CLTCL1: variants seen among roughly 807,000 people sequenced by gnomAD.
The protein encoded by CLTCL1 is clathrin heavy chain 2.
CLTCL1 carries 159 observed loss-of-function variants against 190.0 expected under a neutral mutation model. That is an observed-to-expected ratio of 0.84 (90% CI 0.74 to 0.95). CLTCL1 has a LOEUF of 0.95. CLTCL1 is among the 40% of genes least tolerant of loss of function. The probability of loss-of-function intolerance (pLI) is 0.00; values close to 1 mark genes in which losing one functional copy is unlikely to be tolerated. For missense variants in CLTCL1, 1,878 were observed against 2,033.4 expected (o/e 0.92, Z 1.47); for synonymous variants, 752 against 769.6 (o/e 0.98, Z 0.38).
At chr22:19,264,945 T>C (rs1458820491) in intron 2 of CLTCL1, among the ~76,000 whole-genome samples, 1 of 152,220 alleles carries the variant, frequency 6.6e-6, no homozygotes, top group East Asian at 1.9e-4. Context: ...TACACCAACA[T>C]GCCCAGCAAA....
At position 19,275,739 on chromosome 22, in the gene CLTCL1, C is replaced by A; in HGVS notation, c.134G>T (p.Gly45Val). Residue 45 changes from glycine (G) to valine (V), a missense_variant, in exon 2 of 33, where the codon GGT becomes GTT. Transcript: ENST00000427926. ...DKFICIREKVGEQAQVTIIDM... is the reference protein window; with the variant it reads ...DKFICIREKVVEQAQVTIIDM... ...AATGATCGTGACCTGTGCCTGCTCA[C>A]CAACTTTCTCTCGGATACATATGAA... is the stretch of plus-strand genomic sequence containing the variant. 6.2e-7 allele frequency: 1 copy of A among 1,609,686 alleles called. No individual in the cohort carries two copies.
rs1555954026 is a variant in CLTCL1 at position 19,223,891 on chromosome 22, C to G, written c.2292G>C (p.Lys764Asn). The change falls in exon 14 of 33, where the codon AAG (lysine) becomes AAC (asparagine). Residue 764 changes from lysine to asparagine, a missense_variant and splice_region_variant. Transcript: ENST00000427926. ...GGAAGGAGGCAGCACTGGAACACAC[C>G]TTCAGGAAGTTCTTCACACGCTCTG... Reference protein sequence around the residue: ...YNPERVKNFLKEAKLTDQLPL... With the variant: ...YNPERVKNFLNEAKLTDQLPL... 6.2e-7 allele frequency: 1 copy of G among 1,613,348 alleles called. No homozygotes were observed. Among genetic ancestry groups the G allele is most frequent in the Non-Finnish European group, 8.5e-7 (1 of 1,179,876 alleles).
At chr22:19,253,387 G>T (rs2086657419) in intron 3 of CLTCL1, among the ~76,000 whole-genome samples, 1 of 152,178 alleles carries the variant, frequency 6.6e-6, no homozygotes, top group South Asian at 2.1e-4. Context: ...GCACATCGGG[G>T]CCCTTTGACC....
chr22:19,257,719 G>C, intron 2 of CLTCL1: 1 of 1,121,464 alleles, frequency 8.9e-7, no homozygotes, highest in South Asian at 1.2e-5. Context: ...CTGGCCACTG[G>C]GATGGCCAGG....
intron 3 of CLTCL1, among the ~76,000 whole-genome samples, chr22:19,253,161 C>T (rs1367473054): frequency 1.3e-5 from 2 of 151,928 alleles, no homozygotes; most frequent in Admixed American, 6.6e-5. Flanking sequence ...TTTAGTGTTT[C>T]AAATAAGCAG....
chr22:19,195,395 TC>T (rs2084663484), intron 26 of CLTCL1, among the ~76,000 whole-genome samples: 1 of 152,002 alleles, frequency 6.6e-6, no homozygotes. Flanking sequence ...TTCAAATAGT[TC>T]CCAGGAAAGG....
intron 19 of CLTCL1, among the ~76,000 whole-genome samples, chr22:19,212,162 G>GCAGTTC (rs2085247243): frequency 1.3e-5 from 2 of 152,142 alleles, no homozygotes; most frequent in African/African-American, 4.8e-5. Context: ...TAGATTTCAT[G>GCAGTTC]CAGTTCCAGT....
chr22:19,214,564 C>A (rs1478787315), intron 19 of CLTCL1, among the ~76,000 whole-genome samples: 2 of 151,762 alleles, frequency 1.3e-5, no homozygotes, highest in Non-Finnish European at 2.9e-5. Flanking sequence ...TTAATACAGT[C>A]TTATTGGTTT....
chr22:19,196,569 C>A lies in CLTCL1; in HGVS notation c.3961G>T (p.Ala1321Ser), dbSNP rs782660281. The A allele has an allele frequency of 2.5e-6, 4 of 1,613,710 alleles. No homozygotes were observed. Among genetic ancestry groups the A allele is most frequent in the Non-Finnish European group, 3.4e-6 (4 of 1,179,828 alleles). Residue 1321 changes from alanine to serine, a missense_variant, in exon 25 of 33, where the codon GCC becomes TCC. Ala to Ser is a moderately conservative substitution (Grantham distance 99). Coordinates refer to ENST00000427926, the MANE Select transcript of CLTCL1 (RefSeq NM_007098.4). ...RAHMGMFTEL[A>S]ILYSKFKPQK... ...GGCTTGAATTTGGAGTAGAGGATGG[C>A]CAGCTCAGTGAACATGCCCATGTGG...
chr22:19,205,900 TC>T (rs1419387248), intron 22 of CLTCL1, among the ~76,000 whole-genome samples: 4 of 151,040 alleles, frequency 2.6e-5, no homozygotes, highest in African/African-American at 9.8e-5. Context: ...TTAACACCTT[TC>T]AAAACTTTAA....
intron 1 of CLTCL1, among the ~76,000 whole-genome samples, chr22:19,286,167 A>G (rs2087899230): frequency 6.6e-6 from 1 of 152,184 alleles, no homozygotes; most frequent in African/African-American, 2.4e-5. Context: ...AGGCATTCTG[A>G]ACATTTAAAT....
At chr22:19,233,853 G>C (rs1337553638) in intron 7 of CLTCL1, among the ~76,000 whole-genome samples, 1 of 152,184 alleles carries the variant, frequency 6.6e-6, no homozygotes, top group Admixed American at 6.5e-5. Flanking sequence ...TTCTCCCCCA[G>C]CATGCTGCAG....
At chr22:19,283,811 G>A (rs1363931678) in intron 1 of CLTCL1, among the ~76,000 whole-genome samples, 7 of 151,592 alleles carry the variant, frequency 4.6e-5, no homozygotes, top group East Asian at 2.0e-4. Context: ...GGTCAACATG[G>A]TGAAGCCCTG....
At chr22:19,258,154 C>G in intron 2 of CLTCL1, 1 of 362,306 alleles carries the variant, frequency 2.8e-6, no homozygotes, top group East Asian at 6.8e-5. Flanking sequence ...AGAAGCTGTT[C>G]TTCATGAAGA....
Position 19,196,511 on chromosome 22 carries a change from C to G in CLTCL1, c.4019G>C (p.Trp1340Ser), listed in dbSNP as rs572567479. The G allele has an allele frequency of 3.1e-6, 5 of 1,614,066 alleles. No individual in the cohort carries two copies. In the East Asian group the frequency reaches 1.1e-4, roughly 36 times the overall value. Residue 1340 changes from tryptophan to serine, a missense_variant, in exon 25 of 33, where the codon TGG becomes TCG. Physicochemically the swap from Trp to Ser is radical, Grantham distance 177. Coordinates refer to ENST00000427926, the MANE Select transcript of CLTCL1 (RefSeq NM_007098.4). ...QKMLEHLELF[W>S]SRVNIPKVLR... ...TACCTTTGGGATGTTGACACGGGAC[C>G]AGAAAAGCTCCAGATGCTCCAGCAT...
At chr22:19,239,664 T>C (rs1390773368) in intron 4 of CLTCL1, among the ~76,000 whole-genome samples, 2 of 152,238 alleles carry the variant, frequency 1.3e-5, no homozygotes, top group Non-Finnish European at 2.9e-5. Context: ...TCCCCGGGCC[T>C]GGATGCCGAT....
rs2086993902 is a variant in CLTCL1 at position 19,262,785 on chromosome 22, CT to C, written c.251-8559del. 3.9e-5 allele frequency among the ~76,000 whole-genome samples: 6 copies of C among 152,080 alleles called. No homozygotes were observed. The South Asian group carries it at 1.2e-3, about 32-fold the overall frequency. ...GTGGCTCATGCCTGTAATCCCAGCA[CT>C]TTGGGAGGCTGAGGCCGGCAGATCA... On this transcript the variant is annotated intron_variant, in intron 2 of 32. Transcript: ENST00000427926.
intron 3 of CLTCL1, among the ~76,000 whole-genome samples, chr22:19,246,366 T>G (rs782343024): frequency 6.6e-6 from 1 of 152,038 alleles, no homozygotes; most frequent in Non-Finnish European, 1.5e-5. Context: ...GGCCTTATGT[T>G]TAACTTTTTG....
At chr22:19,192,949 G>C (rs1383641252) in intron 26 of CLTCL1, among the ~76,000 whole-genome samples, 3 of 152,212 alleles carry the variant, frequency 2.0e-5, no homozygotes, top group Non-Finnish European at 4.4e-5. Context: ...GCCAGGACAT[G>C]GGGGCCTCAA....
Sources: allele counts gnomAD v4.1 joint callset (sites outside exome capture counted in the v4.1 genomes callset), GRCh38; gene constraint gnomAD v4.1.1; transcripts MANE v1.5; gene names NCBI Gene and HGNC (gene_info 2026-07-23, HGNC 2026-07-21).